The following NR2C2 variants were observed in gnomAD, a reference collection of about 807,000 sequenced individuals.
The protein encoded by NR2C2 is nuclear receptor subfamily 2 group C member 2.
A neutral mutation model predicts 62.9 loss-of-function variants in NR2C2; 6 were observed. That is an observed-to-expected ratio of 0.10 (90% CI 0.05 to 0.19). The LOEUF (loss-of-function observed/expected upper bound fraction) is 0.19, where lower values mean the gene tolerates loss of function less well. Ranked by LOEUF, NR2C2 falls within the 10% of genes least tolerant of loss-of-function variation. NR2C2 has a pLI of 1.00. For missense variants in NR2C2, 479 were observed against 762.7 expected (o/e 0.63, Z 4.38); for synonymous variants, 272 against 273.8 (o/e 0.99, Z 0.07).
chr3:14,950,750 C>T (rs2039331984), intron 1 of NR2C2, among the ~76,000 whole-genome samples: 1 of 152,214 alleles, frequency 6.6e-6, no homozygotes. Flanking sequence ...TTTACCATTA[C>T]TTATCCAGCA....
At chr3:14,970,814 T>C (rs1204805070) in intron 1 of NR2C2, among the ~76,000 whole-genome samples, 1 of 152,232 alleles carries the variant, frequency 6.6e-6, no homozygotes, top group Admixed American at 6.5e-5. Flanking sequence ...CTTGAGTCCC[T>C]GCTTTCAGTT....
intron 7 of NR2C2, chr3:15,025,659 T>C (rs925078934): frequency 3.3e-5 from 5 of 152,316 alleles, no homozygotes; most frequent in African/African-American, 1.2e-4. Context: ...TAATTTACTA[T>C]GAAGGAAGTA....
intron 13 of NR2C2, among the ~76,000 whole-genome samples, chr3:15,042,105 G>C (rs17040694): frequency 0.036 from 5,536 of 152,218 alleles, 357 homozygotes; most frequent in African/African-American, 0.12. Flanking sequence ...GTAGAGTCCT[G>C]GCACATGCTC....
chr3:14,959,144 T>C (rs2039616207), intron 1 of NR2C2: 1 of 152,242 alleles, frequency 6.6e-6, no homozygotes, highest in Admixed American at 6.5e-5. Context: ...CTGTGTGATC[T>C]TTCTGTCTCT....
At chr3:15,016,605 C>G (rs2041517923) in intron 4 of NR2C2, among the ~76,000 whole-genome samples, 1 of 152,190 alleles carries the variant, frequency 6.6e-6, no homozygotes, top group African/African-American at 2.4e-5. Flanking sequence ...CCCCTTCATC[C>G]TAACTGTAAC....
Position 15,042,812 on chromosome 3 carries a change from C to G in NR2C2, c.1617-22C>G, listed in dbSNP as rs746790602. 11 of 1,607,900 alleles carry G rather than the reference C, an allele frequency of 6.8e-6. No homozygotes were observed. In the East Asian group the frequency reaches 2.2e-4, roughly 33 times the overall value. On this transcript the variant is annotated intron_variant, in intron 13 of 13. Coordinates refer to ENST00000425241, the MANE Select transcript of NR2C2 (RefSeq NM_001291694.2). ...GAAGGGCATCAAACAGTCTCCTTTT[C>G]TAATGACACTCCCTTTTATAGATTG...
intron 1 of NR2C2, among the ~76,000 whole-genome samples, chr3:14,974,851 A>T (rs1046517240): frequency 4.6e-5 from 7 of 152,024 alleles, no homozygotes; most frequent in Non-Finnish European, 8.8e-5. Flanking sequence ...TGATCTGCCC[A>T]CCTTGGCCTC....
intron 1 of NR2C2, among the ~76,000 whole-genome samples, chr3:14,952,703 T>C (rs1410908931): frequency 6.6e-6 from 1 of 152,244 alleles, no homozygotes; most frequent in African/African-American, 2.4e-5. Context: ...TCTTCCTTAT[T>C]CGTTGGAGGT....
At chr3:14,989,630 CT>C (rs2040609935) in intron 1 of NR2C2, among the ~76,000 whole-genome samples, 1 of 151,884 alleles carries the variant, frequency 6.6e-6, no homozygotes, top group African/African-American at 2.4e-5. Context: ...TCTACAAAAA[CT>C]AAATTAAAGA....
At chr3:14,970,870 C>A (rs1027994429) in intron 1 of NR2C2, among the ~76,000 whole-genome samples, 12 of 152,262 alleles carry the variant, frequency 7.9e-5, no homozygotes, top group African/African-American at 2.6e-4. Flanking sequence ...GTTCAACTTA[C>A]AATTTTTTAA....
intron 3 of NR2C2, among the ~76,000 whole-genome samples, chr3:15,014,901 A>G (rs192532853): frequency 1.1e-4 from 17 of 152,310 alleles, no homozygotes; most frequent in Admixed American, 2.0e-4. Context: ...TGGCTGTTGA[A>G]TTAATGCTGC....
rs576775285 is a variant in NR2C2 at position 15,017,059 on chromosome 3, T to G, written c.376+805T>G. 3.0e-4 allele frequency among the ~76,000 whole-genome samples: 45 copies of G among 152,262 alleles called. No individual in the cohort carries two copies. In the South Asian group the frequency reaches 9.3e-3, roughly 32 times the overall value. Reference sequence around the variant, plus strand: ...TCTGTGATGGCTGCTTGGTTCCACTTTCTTCTGTGGTCACAAAATTCACAG... The same window carrying G: ...TCTGTGATGGCTGCTTGGTTCCACTGTCTTCTGTGGTCACAAAATTCACAG... On this transcript the variant is annotated intron_variant, in intron 4 of 13. Transcript: ENST00000425241.
intron 1 of NR2C2, among the ~76,000 whole-genome samples, chr3:14,954,490 C>T (rs1056443920): frequency 6.6e-6 from 1 of 152,042 alleles, no homozygotes; most frequent in Non-Finnish European, 1.5e-5. Context: ...AAGTGTTCAT[C>T]AGCTATAGAA....
chr3:15,047,204 T>C lies in NR2C2; in HGVS notation c.*4196T>C. On this transcript the variant is annotated 3_prime_UTR_variant, in exon 14 of 14. Transcript: ENST00000425241. ...TGCTAATGTAAACTGATATGGGTGT[T>C]CCAAGGTCCCTCGGCAGGGAAGATT... 1 of 152,620 alleles carries C rather than the reference T, an allele frequency of 6.6e-6. No homozygotes were observed. Among genetic ancestry groups the C allele is most frequent in the East Asian group, 1.9e-4 (1 of 5,200 alleles). The allele number at this position is 152,620 out of a possible 1,614,324, so 9.5% of individuals were successfully genotyped here. A position where few individuals can be genotyped will look rare whatever the true frequency, so the allele number is the denominator to read the frequency against.
rs902944122 is a variant in NR2C2, at chr3:15,047,375, G to A, written c.*4367G>A. 4 of 152,174 alleles carry A rather than the reference G, an allele frequency of 2.6e-5. No individual in the cohort carries two copies. The highest frequency in any genetic ancestry group is 1.9e-4 in the East Asian group (1 of 5,200). 9.4% of individuals were successfully genotyped at this position (152,174 alleles called of 1,614,324 possible). A position where few individuals can be genotyped will look rare whatever the true frequency, so the allele number is the denominator to read the frequency against. On this transcript the variant is annotated 3_prime_UTR_variant, in exon 14 of 14. Transcript: ENST00000425241. The stretch of plus-strand genomic sequence containing the variant: ...ACATTTCCGTATATTCTCTAGGTTC[G>A]GACAAGAGCCAGGAAGCTGGAAGAC...
intron 1 of NR2C2, among the ~76,000 whole-genome samples, chr3:14,979,233 G>T (rs7633198): frequency 2.5e-4 from 38 of 152,150 alleles, no homozygotes; most frequent in African/African-American, 8.4e-4. Context: ...AGATAAATGC[G>T]TGAGTATTTT....
At chr3:14,980,131 T>C (rs952263559) in intron 1 of NR2C2, among the ~76,000 whole-genome samples, 2 of 151,970 alleles carry the variant, frequency 1.3e-5, no homozygotes, top group Admixed American at 1.3e-4. Context: ...GTTGTTAAGA[T>C]TCCTACTCTT....
chr3:14,961,806 T>C (rs1221743970), intron 1 of NR2C2, among the ~76,000 whole-genome samples: 1 of 152,254 alleles, frequency 6.6e-6, no homozygotes, highest in Non-Finnish European at 1.5e-5. Flanking sequence ...TGTAATTTAA[T>C]GAGGACTTAA....
intron 1 of NR2C2, among the ~76,000 whole-genome samples, chr3:14,970,429 T>A (rs929937134): frequency 1.9e-4 from 29 of 152,188 alleles, no homozygotes; most frequent in African/African-American, 7.0e-4. Flanking sequence ...CATCCATCTC[T>A]AGAACTTTTT....
Sources: allele counts gnomAD v4.1 joint callset (sites outside exome capture counted in the v4.1 genomes callset), GRCh38; gene constraint gnomAD v4.1.1; transcripts MANE v1.5; gene names NCBI Gene and HGNC (gene_info 2026-07-23, HGNC 2026-07-21).